Variants in PIP4K2B observed in about 807,000 individuals in gnomAD.
PIP4K2B encodes the protein phosphatidylinositol-5-phosphate 4-kinase type 2 beta, also known as phosphatidylinositol 5-phosphate 4-kinase type-2 beta.
PIP4K2B carries 3 observed loss-of-function variants against 42.0 expected under a neutral mutation model. The ratio of observed to expected loss-of-function variants is 0.07; its 90% confidence interval spans 0.03 to 0.18. PIP4K2B has a LOEUF of 0.18. Among genes scored for constraint, PIP4K2B ranks in the 10% least tolerant of loss-of-function variants. The pLI, the probability that PIP4K2B is intolerant of heterozygous loss-of-function variation, is 1.00. For synonymous variants in PIP4K2B, 204 were observed against 210.1 expected (o/e 0.97, Z 0.25); for missense variants, 332 against 562.3 (o/e 0.59, Z 4.14).
chr17:38,778,349 C>A lies in PIP4K2B; in HGVS notation c.678G>T (p.Ala226=). The A allele has an allele frequency of 6.2e-7, 1 of 1,614,064 alleles. No individual in the cohort carries two copies. Among genetic ancestry groups the A allele is most frequent in the Admixed American group, 1.7e-5 (1 of 60,014 alleles). The part of the protein sequence containing the change: ...DLKGSTVARE[A]SDKEKAKDLP... ...ACCAGCATACCTTCTCCTTGTCGCT[C>A]GCTTCTCTGGCAACCGTAGAACCCT... The change falls in exon 6 of 10, where the codon GCG becomes GCT. Residue 226 remains alanine, a synonymous_variant. Coordinates refer to ENST00000619039, the MANE Select transcript of PIP4K2B (RefSeq NM_003559.5).
intron 6 of PIP4K2B, 125 bp from the exon 7 acceptor site, chr17:38,777,925 A>AC: frequency 1.5e-6 from 1 of 668,598 alleles, no homozygotes; most frequent in South Asian, 1.7e-5. Context: ...CCGACCCTCA[A>AC]CCTGCTAAAT....
chr17:38,778,447 G>A lies in PIP4K2B; in HGVS notation c.655-75C>T. ...TGCATGAGCAAACATGGGAGAGCCA[G>A]CAGGTGAACTCAAGTAGGCTTGTTA... On this transcript the variant is annotated intron_variant, in intron 5 of 9. Coordinates refer to ENST00000619039, the MANE Select transcript of PIP4K2B (RefSeq NM_003559.5). 1.5e-6 allele frequency: 2 copies of A among 1,351,966 alleles called. 1 individual carries two copies. Among genetic ancestry groups the A allele is most frequent in the Middle Eastern group, 3.6e-4 (2 of 5,554 alleles). The allele number at this position is 1,351,966 out of a possible 1,614,324, so 83.7% of individuals were successfully genotyped here. A position where few individuals can be genotyped will look rare whatever the true frequency, so the allele number is the denominator to read the frequency against.
chr17:38,771,341 A>C (rs1276881564), intron 7 of PIP4K2B, 69 bp from the exon 8 acceptor site: 1 of 1,531,446 alleles, frequency 6.5e-7, no homozygotes, highest in African/African-American at 1.4e-5. Flanking sequence ...TGACATCCAG[A>C]AAGGGGGGAA....
At chr17:38,795,283 AAAAAATTTAATAG>A (rs1910595072) in intron 1 of PIP4K2B, among the ~76,000 whole-genome samples, 1 of 152,132 alleles carries the variant, frequency 6.6e-6, no homozygotes, top group Admixed American at 6.5e-5. Flanking sequence ...GTAAATGGGC[AAAAAATTTAATAG>A]ACATTCTCCA....
rs1413683796 is a variant in PIP4K2B, at chr17:38,768,557, G to A, written c.*1134C>T. On this transcript the variant is annotated 3_prime_UTR_variant, in exon 10 of 10. Transcript: ENST00000619039. The stretch of plus-strand genomic sequence containing the variant: ...GCACCTTGCTGGCTGTAACTCTCCA[G>A]GCACAGGGAGACAGATCTCCTACAA... The A allele has an allele frequency of 6.6e-6, 1 of 152,260 alleles. No homozygotes were observed. Among genetic ancestry groups the A allele is most frequent in the Non-Finnish European group, 1.5e-5 (1 of 68,028 alleles). 9.4% of individuals were successfully genotyped at this position (152,260 alleles called of 1,614,324 possible).
chr17:38,778,726 T>C (rs228295), intron 5 of PIP4K2B, among the ~76,000 whole-genome samples: 3 of 151,882 alleles, frequency 2.0e-5, no homozygotes, highest in African/African-American at 7.3e-5. Context: ...TGAAAGCACA[T>C]ACCACACGGG....
In PIP4K2B at chr17:38,769,638, C is replaced by T. The variant is rs569963025; in HGVS notation, c.*53G>A. On this transcript the variant is annotated 3_prime_UTR_variant, in exon 10 of 10. Coordinates refer to ENST00000619039, the MANE Select transcript of PIP4K2B (RefSeq NM_003559.5). ...CAAATACACCCTTCTCCCTAACTCC[C>T]GATCCCCGACCCCATATCCAGCTCT... 35 of 1,094,932 alleles carry T rather than the reference C, an allele frequency of 3.2e-5. No homozygotes were observed. The South Asian group carries it at 3.6e-4, about 11-fold the overall frequency. 67.8% of individuals were successfully genotyped at this position (1,094,932 alleles called of 1,614,324 possible). A position where few individuals can be genotyped will look rare whatever the true frequency, so the allele number is the denominator to read the frequency against.
Position 38,771,275 on chromosome 17 carries a change from A to G in PIP4K2B, c.808-3T>C. 2 of 1,614,040 alleles carry G rather than the reference A, an allele frequency of 1.2e-6. No homozygotes were observed. Among genetic ancestry groups the G allele is most frequent in the Non-Finnish European group, 1.7e-6 (2 of 1,179,938 alleles). ...ATGATCTTCAGCTGTGCCAAGAACT[A>G]GGAAGGGCAAGGATGGAAAGATGGA... On this transcript the variant is annotated splice_region_variant and splice_polypyrimidine_tract_variant and intron_variant, in intron 7 of 9. Transcript: ENST00000619039.
rs537413271 is a variant in PIP4K2B, at chr17:38,784,266, C to T, written c.331G>A (p.Gly111Arg). The change falls in exon 3 of 10, where the codon GGA becomes AGA. Residue 111 changes from glycine to arginine, a missense_variant. This residue lies in a region of PIP4K2B where 186 missense variants were observed against 288.4 expected (regional missense o/e 0.64). Transcript: ENST00000619039. The stretch of plus-strand genomic sequence containing the variant: ...ACCTGGTAATCCTGATCATCAATTC[C>T]AAACCTCTCCCGAAGGTTTCGGAAC... ...MVFRNLRERF[G>R]IDDQDYQNSV... 84 of 1,612,686 alleles carry T rather than the reference C, an allele frequency of 5.2e-5. 1 individual carries two copies. The South Asian group carries it at 9.1e-4, about 18-fold the overall frequency.
chr17:38,771,852 G>A (rs1909061364), intron 7 of PIP4K2B, among the ~76,000 whole-genome samples: 1 of 152,074 alleles, frequency 6.6e-6, no homozygotes, highest in South Asian at 2.1e-4. Flanking sequence ...AACGTGATGA[G>A]ACCCCATCTC....
At chr17:38,797,371 G>A (rs1910708902) in intron 1 of PIP4K2B, among the ~76,000 whole-genome samples, 1 of 152,102 alleles carries the variant, frequency 6.6e-6, no homozygotes, top group Non-Finnish European at 1.5e-5. Flanking sequence ...GTATAACCCA[G>A]AGCATATATT....
Position 38,768,685 on chromosome 17 carries a change from A to C in PIP4K2B, c.*1006T>G, listed in dbSNP as rs1375853659. 6 of 152,238 alleles carry C rather than the reference A, an allele frequency of 3.9e-5. No individual in the cohort carries two copies. The highest frequency in any genetic ancestry group is 9.6e-5 in the African/African-American group (4 of 41,456). 9.4% of individuals were successfully genotyped at this position (152,238 alleles called of 1,614,324 possible). On this transcript the variant is annotated 3_prime_UTR_variant, in exon 10 of 10. Coordinates refer to ENST00000619039, the MANE Select transcript of PIP4K2B (RefSeq NM_003559.5). Reference sequence around the variant, plus strand: ...TCGGCTAGAAGTAAGAGTGCCTGGGAGGAGGTCAGAAGGAAGAAGGAAATA... The same window carrying C: ...TCGGCTAGAAGTAAGAGTGCCTGGGCGGAGGTCAGAAGGAAGAAGGAAATA...
chr17:38,794,516 G>GA (rs1351718657), intron 1 of PIP4K2B, among the ~76,000 whole-genome samples: 1 of 131,172 alleles, frequency 7.6e-6, no homozygotes, highest in Non-Finnish European at 1.6e-5. Flanking sequence ...AAAAGAAGAA[G>GA]AAGAAAGAAA....
chr17:38,786,791 C>A (rs947853160), intron 2 of PIP4K2B, 32 bp downstream of exon 2: 73 of 1,427,046 alleles, frequency 5.1e-5, no homozygotes, highest in Non-Finnish European at 6.9e-5. Context: ...GGACTGCCCA[C>A]AAAACCTGAG....
chr17:38,772,562 G>A (rs1909105773), intron 7 of PIP4K2B, among the ~76,000 whole-genome samples: 1 of 152,020 alleles, frequency 6.6e-6, no homozygotes, highest in South Asian at 2.1e-4. Flanking sequence ...TGGCAATTCA[G>A]ATATGCCAAA....
At chr17:38,785,838 G>A (rs1476845223) in intron 2 of PIP4K2B, among the ~76,000 whole-genome samples, 2 of 152,342 alleles carry the variant, frequency 1.3e-5, no homozygotes, top group South Asian at 2.1e-4. Flanking sequence ...GGGGGTAGTG[G>A]TGCAATGCCC....
rs985682375 is a variant in PIP4K2B at position 38,786,496 on chromosome 17, C to T, written c.257+327G>A. Among the ~76,000 whole-genome samples the T allele has an allele frequency of 8.5e-5, 13 of 152,178 alleles. 1 individual carries two copies. Among genetic ancestry groups the T allele is most frequent in the Non-Finnish European group, 1.9e-4 (13 of 68,030 alleles). ...CCTCAGACTAAGACCAAGATGGGGC[C>T]ACTGCTACAGCCTCACACTGAATAC... On this transcript the variant is annotated intron_variant, in intron 2 of 9. Transcript: ENST00000619039.
chr17:38,777,832 G>T, intron 6 of PIP4K2B, 32 bp from the exon 7 acceptor site: 2 of 1,490,490 alleles, frequency 1.3e-6, no homozygotes, highest in Non-Finnish European at 1.9e-6. Flanking sequence ...GGCTGGGTAA[G>T]CCTGATTAAT....
chr17:38,780,334 G>T, intron 4 of PIP4K2B, 118 bp downstream of exon 4: 1 of 789,010 alleles, frequency 1.3e-6, no homozygotes, highest in Non-Finnish European at 2.0e-6. Flanking sequence ...ACTGCTTGGT[G>T]ATCAGAAGCA....
Sources: allele counts gnomAD v4.1 joint callset (sites outside exome capture counted in the v4.1 genomes callset), GRCh38; gene constraint gnomAD v4.1.1; regional missense constraint gnomAD v4.1.1; transcripts MANE v1.5; gene names NCBI Gene and HGNC (gene_info 2026-07-23, HGNC 2026-07-21).